ARHGAP12: variants seen among roughly 807,000 people sequenced by gnomAD.
ARHGAP12 encodes rho GTPase-activating protein 12.
In ARHGAP12, 64 loss-of-function variants were observed where a neutral mutation model predicts 108.6. The observed-to-expected ratio is 0.59, with a 90% CI of 0.48 to 0.73. The LOEUF is 0.73. Among genes scored for constraint, ARHGAP12 ranks in the 30% least tolerant of loss-of-function variants. The pLI, the probability that ARHGAP12 is intolerant of heterozygous loss-of-function variation, is 0.00. For synonymous variants in ARHGAP12, 312 were observed against 337.2 expected, an observed-to-expected ratio of 0.93 and a Z score of 0.82; for missense variants, 940 against 1,005.9, an observed-to-expected ratio of 0.93 and a Z score of 0.89.
chr10:31,890,398 G>A (rs959475276), intron 3 of ARHGAP12, among the ~76,000 whole-genome samples: 7 of 152,120 alleles, frequency 4.6e-5, no homozygotes, highest in Non-Finnish European at 8.8e-5. Flanking sequence ...AAATACTGAG[G>A]ATTAGGTTTT....
chr10:31,877,318 A>T (rs545795664), intron 3 of ARHGAP12, among the ~76,000 whole-genome samples: 1 of 152,328 alleles, frequency 6.6e-6, no homozygotes, highest in African/African-American at 2.4e-5. Flanking sequence ...ACTAACATAA[A>T]AACTACCTAT....
intron 1 of ARHGAP12, among the ~76,000 whole-genome samples, chr10:31,914,815 G>C (rs1171012781): frequency 1.3e-5 from 2 of 152,162 alleles, no homozygotes; most frequent in African/African-American, 2.4e-5. Context: ...AATGAAATCA[G>C]TATGTGAAGA....
At chr10:31,846,564 A>G (rs191669273) in intron 6 of ARHGAP12, among the ~76,000 whole-genome samples, 52 of 152,306 alleles carry the variant, frequency 3.4e-4, no homozygotes, top group Admixed American at 2.0e-3. Flanking sequence ...ATGGCTTCTG[A>G]TAAGGCACTC....
At chr10:31,889,209 G>C (rs1241591290) in intron 3 of ARHGAP12, among the ~76,000 whole-genome samples, 4 of 152,186 alleles carry the variant, frequency 2.6e-5, no homozygotes. Context: ...ACCACACCTG[G>C]CTTAAGAATC....
intron 1 of ARHGAP12, among the ~76,000 whole-genome samples, chr10:31,911,833 G>A (rs1839363201): frequency 6.6e-6 from 1 of 152,140 alleles, no homozygotes; most frequent in South Asian, 2.1e-4. Context: ...TCCAGAATGT[G>A]AGACATTCTA....
At chr10:31,832,203 T>G (rs1315727749) in intron 9 of ARHGAP12, among the ~76,000 whole-genome samples, 2 of 152,144 alleles carry the variant, frequency 1.3e-5, no homozygotes, top group East Asian at 3.9e-4. Context: ...AATCTGAAAA[T>G]TATTCAATAT....
rs150992193 is a variant in ARHGAP12 at position 31,826,655 on chromosome 10, C to A, written c.1449-270G>T. On this transcript the variant is annotated intron_variant, in intron 10 of 19. Coordinates refer to ENST00000344936, the MANE Select transcript of ARHGAP12 (RefSeq NM_018287.7). ...TGAATGACGCATGTAATTATGTTCA[C>A]GTGAAATTAATACAGCACTTTGTGA... The A allele has an allele frequency of 3.6e-4, 114 of 320,850 alleles. No homozygotes were observed. The East Asian group carries it at 5.5e-3, about 16-fold the overall frequency. The allele number at this position is 320,850 out of a possible 1,614,324, so 19.9% of individuals were successfully genotyped here.
intron 5 of ARHGAP12, 42 bp downstream of exon 5, chr10:31,854,024 G>C (rs1219791353): frequency 6.4e-7 from 1 of 1,571,722 alleles, no homozygotes; most frequent in Admixed American, 1.9e-5. Flanking sequence ...TTTTATGAGA[G>C]AATTCTGCCA....
intron 9 of ARHGAP12, among the ~76,000 whole-genome samples, chr10:31,838,908 G>C (rs964693731): frequency 2.0e-5 from 3 of 151,920 alleles, no homozygotes; most frequent in African/African-American, 7.3e-5. Context: ...AGGCTGAGAC[G>C]GGAGAATCAC....
At chr10:31,851,330 C>G (rs1042312104) in intron 6 of ARHGAP12, among the ~76,000 whole-genome samples, 1 of 152,144 alleles carries the variant, frequency 6.6e-6, no homozygotes, top group African/African-American at 2.4e-5. Context: ...AAATGCTTAT[C>G]TGAAGATGTG....
chr10:31,870,684 C>T (rs956271700), intron 3 of ARHGAP12, among the ~76,000 whole-genome samples: 1 of 152,016 alleles, frequency 6.6e-6, no homozygotes, highest in Non-Finnish European at 1.5e-5. Context: ...TGTTTAGTTT[C>T]ACAACTAAAA....
intron 19 of ARHGAP12, 42 bp downstream of exon 19, chr10:31,808,607 C>G: frequency 1.9e-6 from 3 of 1,581,402 alleles, no homozygotes; most frequent in Non-Finnish European, 2.6e-6. Context: ...TCCCGCTTCC[C>G]CTTGTGCTAT....
intron 4 of ARHGAP12, among the ~76,000 whole-genome samples, chr10:31,859,108 C>T (rs1219178565): frequency 6.6e-6 from 1 of 152,060 alleles, no homozygotes; most frequent in African/African-American, 2.4e-5. Flanking sequence ...AGAGTTATTC[C>T]CTCTGAGAAG....
intron 3 of ARHGAP12, among the ~76,000 whole-genome samples, chr10:31,894,576 C>T (rs1259297872): frequency 2.0e-5 from 3 of 152,266 alleles, no homozygotes; most frequent in Admixed American, 6.5e-5. Flanking sequence ...GAACTACAAA[C>T]CACTGCTCAG....
chr10:31,821,276 C>A (rs549079939), intron 11 of ARHGAP12, among the ~76,000 whole-genome samples: 1 of 152,090 alleles, frequency 6.6e-6, no homozygotes, highest in African/African-American at 2.4e-5. Flanking sequence ...AAGTACTTAG[C>A]TAGCTATTAT....
At chr10:31,861,779 T>C (rs1372236586) in intron 3 of ARHGAP12, 121 bp from the exon 4 acceptor site, 2 of 876,808 alleles carry the variant, frequency 2.3e-6, no homozygotes, top group Non-Finnish European at 3.3e-6. Context: ...TACAGGTGAA[T>C]ATATTCTGAG....
At chr10:31,914,877 T>C (rs532591329) in intron 1 of ARHGAP12, among the ~76,000 whole-genome samples, 89 of 152,296 alleles carry the variant, frequency 5.8e-4, no homozygotes, top group Middle Eastern at 3.4e-3. Context: ...AGGCAAGATA[T>C]AGAATTAATC....
At chr10:31,862,672 A>C (rs1837159710) in intron 3 of ARHGAP12, among the ~76,000 whole-genome samples, 2 of 150,570 alleles carry the variant, frequency 1.3e-5, no homozygotes, top group South Asian at 2.1e-4. Context: ...CCTGACCTCT[A>C]ACCACCAGAT....
chr10:31,920,449 C>CAAAAAAAAAAAAAAAAAAAA lies in ARHGAP12; in HGVS notation c.-111+8214_-111+8233dup, dbSNP rs71027040. Among the ~76,000 whole-genome samples, 31 of 59,596 alleles carry CAAAAAAAAAAAAAAAAAAAA rather than the reference C, an allele frequency of 5.2e-4. 2 individuals are homozygous for CAAAAAAAAAAAAAAAAAAAA. Among genetic ancestry groups the CAAAAAAAAAAAAAAAAAAAA allele is most frequent in the Middle Eastern group, 0.012 (1 of 84 alleles). 39.1% of individuals were successfully genotyped at this position (59,596 alleles called of 152,430 possible). The stretch of plus-strand genomic sequence containing the variant: ...TAGGCGACAGAGTGAGACTCCGTCT[C>CAAAAAAAAAAAAAAAAAAAA]AAAAAAAAAAAAAAAAAAAAAAGAA... On this transcript the variant is annotated intron_variant, in intron 1 of 19. Transcript: ENST00000344936.
Sources: allele counts gnomAD v4.1 joint callset (sites outside exome capture counted in the v4.1 genomes callset), GRCh38; gene constraint gnomAD v4.1.1; transcripts MANE v1.5; gene names NCBI Gene and HGNC (gene_info 2026-07-23, HGNC 2026-07-21).